Variants in ABCA12 observed in about 807,000 individuals in gnomAD.
The protein encoded by ABCA12 is glucosylceramide transporter ABCA12.
In ABCA12, 156 loss-of-function variants were observed where a neutral mutation model predicts 293.5. That is an observed-to-expected ratio of 0.53 (90% CI 0.47 to 0.61). The LOEUF is 0.61. Among genes scored for constraint, ABCA12 ranks in the 20% least tolerant of loss-of-function variants. ABCA12 has a pLI of 0.00. For missense variants in ABCA12, 2,797 were observed against 3,090.2 expected (o/e 0.91, Z 2.25); for synonymous variants, 1,063 against 1,108.0 (o/e 0.96, Z 0.81).
At chr2:214,947,633 ATGCTCATG>A in intron 47 of ABCA12, 77 bp from the exon 48 acceptor site, 1 of 1,484,638 alleles carries the variant, frequency 6.7e-7, no homozygotes, top group Non-Finnish European at 9.2e-7. Flanking sequence ...AAAAAAAAAG[ATGCTCATG>A]AAAAGAAAAT....
chr2:215,025,399 A>G, intron 11 of ABCA12: 1 of 391,348 alleles, frequency 2.6e-6, no homozygotes, highest in Non-Finnish European at 4.7e-6. Context: ...GTCTTAAGTG[A>G]TTCTTCCCAC....
chr2:215,093,048 C>T (rs1702179558), intron 2 of ABCA12, among the ~76,000 whole-genome samples: 1 of 152,148 alleles, frequency 6.6e-6, no homozygotes, highest in Non-Finnish European at 1.5e-5. Context: ...ATTTTGACCA[C>T]CTTCAACTTT....
intron 2 of ABCA12, among the ~76,000 whole-genome samples, chr2:215,069,846 G>A (rs182398881): frequency 8.2e-4 from 124 of 152,128 alleles, no homozygotes; most frequent in African/African-American, 2.1e-3. Context: ...GTAAAATTGC[G>A]TCTTTTTAAG....
At chr2:215,062,047 T>G (rs931296646) in intron 3 of ABCA12, among the ~76,000 whole-genome samples, 75 of 152,078 alleles carry the variant, frequency 4.9e-4, no homozygotes, top group African/African-American at 1.7e-3. Context: ...ACAAAATGTC[T>G]GTCTCAAGTA....
chr2:214,967,646 G>A (rs748065565), intron 38 of ABCA12, among the ~76,000 whole-genome samples: 18 of 152,158 alleles, frequency 1.2e-4, no homozygotes, highest in South Asian at 1.0e-3. Context: ...AGAAAGAAAA[G>A]GAAAGCACTG....
At chr2:214,963,322 G>T (rs888395796) in intron 39 of ABCA12, 5 of 151,882 alleles carry the variant, frequency 3.3e-5, no homozygotes, top group South Asian at 2.1e-4. Context: ...TAGAAAAAAT[G>T]GATAAATTTC....
intron 28 of ABCA12, among the ~76,000 whole-genome samples, chr2:214,985,860 A>C (rs1039290173): frequency 6.6e-6 from 1 of 152,234 alleles, no homozygotes; most frequent in African/African-American, 2.4e-5. Flanking sequence ...GGCAAATCAC[A>C]TAAAAATAAC....
intron 18 of ABCA12, 61 bp from the exon 19 acceptor site, chr2:215,007,907 G>A: frequency 1.9e-6 from 3 of 1,597,516 alleles, no homozygotes; most frequent in Non-Finnish European, 2.6e-6. Flanking sequence ...ATTTTAACAA[G>A]GTATCTTAAG....
chr2:214,980,996 ACT>A (rs1699636428), intron 30 of ABCA12, among the ~76,000 whole-genome samples: 2 of 150,808 alleles, frequency 1.3e-5, no homozygotes, highest in Admixed American at 1.3e-4. Context: ...GAGGCAGGAG[ACT>A]CTCTTGAACC....
chr2:215,099,691 C>CAAA (rs66500510), intron 2 of ABCA12, among the ~76,000 whole-genome samples: 7 of 117,842 alleles, frequency 5.9e-5, no homozygotes, highest in African/African-American at 1.6e-4. Flanking sequence ...GACTTCATCT[C>CAAA]AAAAAAAAAA....
At chr2:214,988,166 C>G (rs1428321173) in intron 26 of ABCA12, among the ~76,000 whole-genome samples, 1 of 152,140 alleles carries the variant, frequency 6.6e-6, no homozygotes, top group Non-Finnish European at 1.5e-5. Flanking sequence ...CACAAGGGTC[C>G]AAACAGACAT....
At chr2:215,069,765 G>A (rs1054902736) in intron 2 of ABCA12, among the ~76,000 whole-genome samples, 3 of 152,148 alleles carry the variant, frequency 2.0e-5, no homozygotes, top group Admixed American at 6.5e-5. Flanking sequence ...CACCTATGTG[G>A]CCTAGAGTGA....
Position 214,931,614 on chromosome 2 carries a change from GATACACACAC to G in ABCA12, c.*1010_*1019del, listed in dbSNP as rs1044142475. On this transcript the variant is annotated 3_prime_UTR_variant, in exon 53 of 53. Transcript: ENST00000272895. ...ATGCCAAAGCTGACAAACTTGTATA[GATACACACAC>G]ATACACGCACACACGGTACATAAAG... 3 of 152,546 alleles carry G rather than the reference GATACACACAC, an allele frequency of 2.0e-5. No individual in the cohort carries two copies. Among genetic ancestry groups the G allele is most frequent in the Non-Finnish European group, 4.4e-5 (3 of 68,038 alleles). The allele number at this position is 152,546 out of a possible 1,614,324, so 9.4% of individuals were successfully genotyped here. A position where few individuals can be genotyped will look rare whatever the true frequency, so the allele number is the denominator to read the frequency against.
chr2:215,004,399 G>A lies in ABCA12; in HGVS notation c.2593-100C>T, dbSNP rs1025664571. ...ACAGTGAAGTGCAGTAACCACAACT[G>A]GGCATTATCAATGCACTGTCTTGCA... On this transcript the variant is annotated intron_variant, in intron 19 of 52. Coordinates refer to ENST00000272895, the MANE Select transcript of ABCA12 (RefSeq NM_173076.3). The A allele has an allele frequency of 7.2e-5, 60 of 835,032 alleles. No homozygotes were observed. In the African/African-American group the frequency reaches 9.1e-4, roughly 13 times the overall value. The allele number at this position is 835,032 out of a possible 1,614,324, so 51.7% of individuals were successfully genotyped here.
At chr2:215,031,706 G>GT in intron 9 of ABCA12, 115 bp downstream of exon 9, 1 of 1,312,002 alleles carries the variant, frequency 7.6e-7, no homozygotes, top group Non-Finnish European at 1.1e-6. Context: ...TCAGTCAATA[G>GT]TTGATTTTTC....
intron 2 of ABCA12, among the ~76,000 whole-genome samples, chr2:215,098,264 C>T (rs1220708132): frequency 6.6e-6 from 1 of 152,178 alleles, no homozygotes; most frequent in African/African-American, 2.4e-5. Context: ...TGCAATATTA[C>T]TGCTCTTGAA....
At chr2:214,989,210 A>ATAT (rs60341150) in intron 26 of ABCA12, 119 bp downstream of exon 26, 34 of 149,596 alleles carry the variant, frequency 2.3e-4, no homozygotes, top group East Asian at 4.2e-4. Context: ...ATATATATAT[A>ATAT]ATATTTTTAT....
chr2:215,117,047 C>T (rs1702700974), intron 1 of ABCA12, among the ~76,000 whole-genome samples: 1 of 152,174 alleles, frequency 6.6e-6, no homozygotes, highest in Non-Finnish European at 1.5e-5. Context: ...GCTATGTTTA[C>T]TTGTAGAAAA....
At chr2:214,994,989 G>A (rs933816696) in intron 23 of ABCA12, among the ~76,000 whole-genome samples, 2 of 152,120 alleles carry the variant, frequency 1.3e-5, no homozygotes, top group African/African-American at 4.8e-5. Context: ...ATACTCTTCT[G>A]TATATGTTAT....
Sources: gnomAD v4.1 joint callset for allele counts (sites outside exome capture counted in the v4.1 genomes callset) on GRCh38, gnomAD v4.1.1 for gene constraint, MANE v1.5 for transcripts, NCBI Gene and HGNC (gene_info 2026-07-23, HGNC 2026-07-21) for gene names.